SAR1B: variants seen among roughly 807,000 people sequenced by gnomAD.
SAR1B encodes secretion associated Ras related GTPase 1B.
In SAR1B, 23 loss-of-function variants were observed where a neutral mutation model predicts 26.8. That is an observed-to-expected ratio of 0.86 (90% CI 0.62 to 1.22). SAR1B has a LOEUF of 1.22. Among genes scored for constraint, SAR1B ranks in the 50% most tolerant of loss-of-function variants. The pLI is 0.00. For missense variants in SAR1B, 196 were observed against 232.8 expected (o/e 0.84, Z 1.03); for synonymous variants, 65 against 80.8 (o/e 0.80, Z 1.05).
At chr5:134,609,030 G>A (rs1421450053) in intron 5 of SAR1B, 2 of 455,010 alleles carry the variant, frequency 4.4e-6, no homozygotes, top group African/African-American at 4.0e-5. Context: ...CAGAGCCATG[G>A]TATGATCAAC....
intron 2 of SAR1B, among the ~76,000 whole-genome samples, chr5:134,622,410 C>CTTTTTTTT (rs70976542): frequency 8.1e-5 from 11 of 135,600 alleles, no homozygotes; most frequent in African/African-American, 2.7e-4. Context: ...AGCCCATATT[C>CTTTTTTTT]TTTTTTTTTT....
At chr5:134,626,234 G>A (rs1307152238) in intron 1 of SAR1B, among the ~76,000 whole-genome samples, 1 of 140,908 alleles carries the variant, frequency 7.1e-6, no homozygotes, top group Non-Finnish European at 1.5e-5. Context: ...AGGAGGCAGA[G>A]GTTGCACTGA....
At chr5:134,607,875 C>T (rs149820426) in intron 6 of SAR1B, among the ~76,000 whole-genome samples, 160 of 152,092 alleles carry the variant, frequency 1.1e-3, no homozygotes, top group Middle Eastern at 3.4e-3. Context: ...GGGGTTCTTC[C>T]ACTGTTTATC....
intron 6 of SAR1B, among the ~76,000 whole-genome samples, chr5:134,607,301 A>G (rs547267348): frequency 8.9e-4 from 136 of 152,290 alleles, no homozygotes; most frequent in African/African-American, 3.2e-3. Flanking sequence ...CTTGCAAGAT[A>G]CCCAAGAATA....
intron 1 of SAR1B, among the ~76,000 whole-genome samples, chr5:134,626,850 G>A (rs1765502134): frequency 6.6e-6 from 1 of 152,160 alleles, no homozygotes; most frequent in African/African-American, 2.4e-5. Context: ...ATGATCACAT[G>A]TTCTGGAATT....
chr5:134,620,107 C>T (rs1226466353), intron 3 of SAR1B, among the ~76,000 whole-genome samples: 1 of 152,028 alleles, frequency 6.6e-6, no homozygotes, highest in Non-Finnish European at 1.5e-5. Flanking sequence ...GAGATCAAGA[C>T]CATCCTGGCT....
intron 6 of SAR1B, among the ~76,000 whole-genome samples, 182 bp downstream of exon 6, chr5:134,608,190 C>A (rs1335325063): frequency 1.3e-5 from 2 of 151,994 alleles, no homozygotes; most frequent in African/African-American, 4.8e-5. Flanking sequence ...TTTGTTGTCA[C>A]CAAGAAAATG....
At position 134,622,796 on chromosome 5, in the gene SAR1B, A is replaced by G. The variant is rs1413011293; in HGVS notation, c.58+1166T>C. 3.3e-5 allele frequency among the ~76,000 whole-genome samples: 5 copies of G among 151,984 alleles called. No homozygotes were observed. The South Asian group carries it at 8.3e-4, about 25-fold the overall frequency. On this transcript the variant is annotated intron_variant, in intron 2 of 6. Transcript: ENST00000402673. ...ATAAATAAAATTAAAGGAGATAACTATAGAGAACAAAGGACCAATATTACC... is the reference window on the plus strand; with the variant it reads ...ATAAATAAAATTAAAGGAGATAACTGTAGAGAACAAAGGACCAATATTACC...
chr5:134,628,745 C>A (rs762982291), intron 1 of SAR1B, among the ~76,000 whole-genome samples: 1 of 152,022 alleles, frequency 6.6e-6, no homozygotes, highest in Non-Finnish European at 1.5e-5. Flanking sequence ...ACCTCCACCT[C>A]CTGGGTTCAA....
At chr5:134,617,993 C>T (rs1765341904) in intron 3 of SAR1B, among the ~76,000 whole-genome samples, 1 of 151,716 alleles carries the variant, frequency 6.6e-6, no homozygotes, top group African/African-American at 2.4e-5. Context: ...ATCTTACTTG[C>T]CAAGCCCCAC....
intron 4 of SAR1B, among the ~76,000 whole-genome samples, chr5:134,611,481 GA>G (rs1364607076): frequency 6.6e-6 from 1 of 151,258 alleles, no homozygotes; most frequent in Non-Finnish European, 1.5e-5. Context: ...AGCACTTTGG[GA>G]AATTGAGGTA....
rs1765109499 is a variant in SAR1B at position 134,605,479 on chromosome 5, AGGCC to A, written c.*1467_*1470del. The A allele has an allele frequency of 6.6e-6, 1 of 152,054 alleles. No homozygotes were observed. 9.4% of individuals were successfully genotyped at this position (152,054 alleles called of 1,614,324 possible). A position where few individuals can be genotyped will look rare whatever the true frequency, so the allele number is the denominator to read the frequency against. ...TAGTAAGCCTAGCAATGAGGCTTGC[AGGCC>A]CTATCACATGGCAAGCATAATATCT... On this transcript the variant is annotated 3_prime_UTR_variant, in exon 7 of 7. Transcript: ENST00000402673.
rs1210953263 is a variant in SAR1B at position 134,606,857 on chromosome 5, G to A, written c.*93C>T. 1 of 830,296 alleles carries A rather than the reference G, an allele frequency of 1.2e-6. No homozygotes were observed. The highest frequency in any genetic ancestry group is 2.1e-6 in the Non-Finnish European group (1 of 465,954). 51.4% of individuals were successfully genotyped at this position (830,296 alleles called of 1,614,324 possible). On this transcript the variant is annotated 3_prime_UTR_variant, in exon 7 of 7. Transcript: ENST00000402673. Reference sequence around the variant, plus strand: ...CTAAAAAACATCTGTTTTATAACCAGCAAAAGTCTATTGAATTCAAGTTAT... The same window carrying A: ...CTAAAAAACATCTGTTTTATAACCAACAAAAGTCTATTGAATTCAAGTTAT...
intron 3 of SAR1B, among the ~76,000 whole-genome samples, chr5:134,615,222 C>T (rs1052014944): frequency 1.3e-5 from 2 of 151,740 alleles, no homozygotes; most frequent in African/African-American, 4.8e-5. Flanking sequence ...GCGGCAGGTG[C>T]CTGAAATCCC....
chr5:134,609,691 G>C lies in SAR1B; in HGVS notation c.245-17C>G. ...CTCTTCGAGCTAACAAAAACAATCA[G>C]GGGTTAGAGTTTACTTGTTGGTCAA... On this transcript the variant is annotated splice_polypyrimidine_tract_variant and intron_variant, in intron 4 of 6. Coordinates refer to ENST00000402673, the MANE Select transcript of SAR1B (RefSeq NM_016103.4). 3 of 1,604,254 alleles carry C rather than the reference G, an allele frequency of 1.9e-6. No homozygotes were observed. Among genetic ancestry groups the C allele is most frequent in the Non-Finnish European group, 2.6e-6 (3 of 1,171,082 alleles).
intron 3 of SAR1B, among the ~76,000 whole-genome samples, chr5:134,619,985 C>G (rs1003049986): frequency 6.6e-6 from 1 of 151,902 alleles, no homozygotes; most frequent in African/African-American, 2.4e-5. Context: ...TGTCTCTACA[C>G]AAATAAAATA....
In SAR1B at chr5:134,608,327, C is replaced by T; in HGVS notation, c.480+45G>A. On this transcript the variant is annotated intron_variant, in intron 6 of 6. Coordinates refer to ENST00000402673, the MANE Select transcript of SAR1B (RefSeq NM_016103.4). ...ATAGTAATTTAAGAAGACATTTGTACTGTAGAATTAAACACACCCATCATA... is the reference window on the plus strand; with the variant it reads ...ATAGTAATTTAAGAAGACATTTGTATTGTAGAATTAAACACACCCATCATA... 4 of 1,512,466 alleles carry T rather than the reference C, an allele frequency of 2.6e-6. No individual in the cohort carries two copies. The Admixed American group carries it at 5.9e-5, about 22-fold the overall frequency. 93.7% of individuals were successfully genotyped at this position (1,512,466 alleles called of 1,614,324 possible).
At chr5:134,610,320 T>C (rs533979786) in intron 4 of SAR1B, among the ~76,000 whole-genome samples, 1 of 151,770 alleles carries the variant, frequency 6.6e-6, no homozygotes, top group African/African-American at 2.4e-5. Flanking sequence ...ACACAAAAAA[T>C]TAGCCAAGCC....
chr5:134,627,842 A>AAATAAAAC (rs1765523433), intron 1 of SAR1B, among the ~76,000 whole-genome samples: 1 of 137,324 alleles, frequency 7.3e-6, no homozygotes, highest in Non-Finnish European at 1.6e-5. Context: ...ATAAATAAAT[A>AAATAAAAC]AAACCACACA....
Sources: gnomAD v4.1 joint callset for allele counts (sites outside exome capture counted in the v4.1 genomes callset) on GRCh38, gnomAD v4.1.1 for gene constraint, MANE v1.5 for transcripts, NCBI Gene and HGNC (gene_info 2026-07-23, HGNC 2026-07-21) for gene names.